Variants in CTSH observed in about 807,000 individuals in gnomAD.
CTSH encodes pro-cathepsin H.
CTSH carries 52 observed loss-of-function variants against 56.3 expected under a neutral mutation model. The observed-to-expected ratio is 0.92, with a 90% CI of 0.74 to 1.16. The LOEUF (loss-of-function observed/expected upper bound fraction) is 1.16. CTSH is among the 50% of genes most tolerant of loss of function. The pLI is 0.00. For missense variants in CTSH, 406 were observed against 424.5 expected (o/e 0.96, Z 0.38); for synonymous variants, 174 against 155.7 (o/e 1.12, Z -0.88).
chr15:78,940,630 C>T (rs1174433585), intron 1 of CTSH, among the ~76,000 whole-genome samples: 1 of 152,040 alleles, frequency 6.6e-6, no homozygotes, highest in African/African-American at 2.4e-5. Flanking sequence ...ATTTGATATC[C>T]ACCATCAGTA....
At chr15:78,923,280 G>T (rs1011644769) in intron 10 of CTSH, among the ~76,000 whole-genome samples, 162 bp from the exon 11 acceptor site, 1 of 152,202 alleles carries the variant, frequency 6.6e-6, no homozygotes, top group African/African-American at 2.4e-5. Context: ...CTCCGTGAGA[G>T]AACTCCTTTC....
In CTSH at chr15:78,943,722, T is replaced by G. The variant is rs542842605; in HGVS notation, c.91+1169A>C. Among the ~76,000 whole-genome samples the G allele has an allele frequency of 2.6e-5, 4 of 152,364 alleles. No homozygotes were observed. The East Asian group carries it at 7.7e-4, about 29-fold the overall frequency. ...ATCTATGGTTGCTATCACACTACCA[T>G]GGCAGAGTTAGTAGTTGCTACAGAG... On this transcript the variant is annotated intron_variant, in intron 1 of 11. Transcript: ENST00000220166.
chr15:78,922,567 C>T (rs191110644), intron 11 of CTSH, among the ~76,000 whole-genome samples: 1 of 152,286 alleles, frequency 6.6e-6, no homozygotes, highest in East Asian at 1.9e-4. Flanking sequence ...GAGGACAGGA[C>T]AAAGGCACAG....
At chr15:78,928,787 A>C (rs76893014) in intron 8 of CTSH, among the ~76,000 whole-genome samples, 2,048 of 151,606 alleles carry the variant, frequency 0.014, 52 homozygotes, top group African/African-American at 0.047. Context: ...GGGCCAAGGG[A>C]GTCATGTGAG....
At chr15:78,925,630 C>G in intron 9 of CTSH, 190 bp from the exon 10 acceptor site, 2 of 533,812 alleles carry the variant, frequency 3.7e-6, no homozygotes, top group Admixed American at 5.9e-5. Flanking sequence ...GTTCCTCTCC[C>G]CAACTCTGCT....
chr15:78,935,356 T>C (rs575645574), intron 4 of CTSH, among the ~76,000 whole-genome samples: 1 of 152,354 alleles, frequency 6.6e-6, no homozygotes, highest in East Asian at 1.9e-4. Flanking sequence ...ACAAATAACT[T>C]TGTAGTGTAA....
Position 78,929,448 on chromosome 15 carries a change from C to G in CTSH, c.594G>C (p.Gly198=). 3.1e-6 allele frequency: 5 copies of G among 1,612,446 alleles called. No homozygotes were observed. The highest frequency in any genetic ancestry group is 4.2e-6 in the Non-Finnish European group (5 of 1,179,134). ...AGGGGTAGGTGTCTTCACCCATGATCCCCTTGTTGTACAGGATATACTCGA... is the reference window on the plus strand; with the variant it reads ...AGGGGTAGGTGTCTTCACCCATGATGCCCTTGTTGTACAGGATATACTCGA... The part of the protein sequence containing the change: ...QAFEYILYNK[G]IMGEDTYPYQ... Residue 198 remains glycine (G), a synonymous_variant, in exon 8 of 12, where the codon GGG becomes GGC. Transcript: ENST00000220166.
intron 1 of CTSH, among the ~76,000 whole-genome samples, chr15:78,940,742 T>C (rs1183388308): frequency 6.6e-6 from 1 of 151,802 alleles, no homozygotes; most frequent in Non-Finnish European, 1.5e-5. Context: ...GCAGATCACC[T>C]GAGGTCAGGA....
intron 1 of CTSH, among the ~76,000 whole-genome samples, chr15:78,942,894 C>T (rs542959240): frequency 9.9e-5 from 15 of 152,262 alleles, no homozygotes; most frequent in Admixed American, 3.3e-4. Flanking sequence ...TTTTGGGTCT[C>T]GAACCTGTTC....
chr15:78,944,121 T>C (rs1359867428), intron 1 of CTSH, among the ~76,000 whole-genome samples: 1 of 152,154 alleles, frequency 6.6e-6, no homozygotes, highest in Non-Finnish European at 1.5e-5. Flanking sequence ...GCTACTTTTC[T>C]CGGTGAAGGG....
At position 78,927,286 on chromosome 15, in the gene CTSH, C is replaced by G. The variant is rs149825855; in HGVS notation, c.699+427G>C. The stretch of plus-strand genomic sequence containing the variant: ...CATGGGCGCAGGAGTGCCACACACC[C>G]TTTGACTGTTGTCAGCCATGCAGAT... On this transcript the variant is annotated intron_variant, in intron 9 of 11. Transcript: ENST00000220166. 4.1e-3 allele frequency: 917 copies of G among 223,468 alleles called. 4 individuals carry two copies. The highest frequency in any genetic ancestry group is 8.9e-3 in the South Asian group (132 of 14,898). 13.8% of individuals were successfully genotyped at this position (223,468 alleles called of 1,614,324 possible).
intron 7 of CTSH, 25 bp downstream of exon 7, chr15:78,931,426 G>A: frequency 6.2e-7 from 1 of 1,614,054 alleles, no homozygotes; most frequent in East Asian, 2.2e-5. Flanking sequence ...AGGAAGTTTT[G>A]GGCCCCTTCT....
chr15:78,937,256 C>A lies in CTSH; in HGVS notation c.229+62G>T, dbSNP rs1169311511. 6 of 1,449,954 alleles carry A rather than the reference C, an allele frequency of 4.1e-6. No individual in the cohort carries two copies. In the South Asian group the frequency reaches 5.7e-5, roughly 14 times the overall value. The allele number at this position is 1,449,954 out of a possible 1,614,324, so 89.8% of individuals were successfully genotyped here. On this transcript the variant is annotated intron_variant, in intron 3 of 11. Transcript: ENST00000220166. ...TCCACCCACCAGCCCCCAGCGGGCC[C>A]TTTCATGGGCTGGGTCACTAACTGA...
intron 1 of CTSH, among the ~76,000 whole-genome samples, chr15:78,940,993 A>G (rs1276353575): frequency 6.6e-6 from 1 of 152,106 alleles, no homozygotes; most frequent in African/African-American, 2.4e-5. Context: ...AGAGTCAGAT[A>G]TTATACAGAG....
chr15:78,929,283 G>T (rs2054992360), intron 8 of CTSH, 129 bp downstream of exon 8: 1 of 757,260 alleles, frequency 1.3e-6, no homozygotes. Context: ...AATTTGGAGA[G>T]AACAGACAAT....
intron 6 of CTSH, chr15:78,932,148 C>G: frequency 9.4e-7 from 1 of 1,060,478 alleles, no homozygotes; most frequent in Non-Finnish European, 1.3e-6. Flanking sequence ...CCACCCAGAT[C>G]CATCTAGGAA....
intron 6 of CTSH, chr15:78,931,840 A>G: frequency 7.8e-7 from 1 of 1,279,574 alleles, no homozygotes; most frequent in South Asian, 1.6e-5. Context: ...GATGGGGGAA[A>G]CAGGCCCAGC....
chr15:78,930,452 G>A (rs1465964315), intron 7 of CTSH, among the ~76,000 whole-genome samples: 26 of 152,192 alleles, frequency 1.7e-4, no homozygotes, highest in South Asian at 2.1e-4. Context: ...GGGTGAACCC[G>A]GGAGGCGGAG....
Position 78,923,102 on chromosome 15 carries a change from T to A in CTSH, c.823A>T (p.Thr275Ser). Residue 275 changes from threonine (T) to serine (S), a missense_variant, in exon 11 of 12, where the codon ACT becomes TCT. By Grantham distance (58) the Thr-to-Ser change is moderately conservative (BLOSUM62 1). Transcript: ENST00000220166. ...ACTGCATGGTTTACTTTATCTGGAG[T>A]TTTATGGCAGGAAGTACTGGAAAAC... ...GIYSSTSCHK[T>S]PDKVNHAVLA... is the part of the protein sequence containing the mutation. 1 of 1,611,958 alleles carries A rather than the reference T, an allele frequency of 6.2e-7. No homozygotes were observed. Among genetic ancestry groups the A allele is most frequent in the Non-Finnish European group, 8.5e-7 (1 of 1,179,452 alleles).
Sources: gnomAD v4.1 joint callset for allele counts (sites outside exome capture counted in the v4.1 genomes callset) on GRCh38, gnomAD v4.1.1 for gene constraint, MANE v1.5 for transcripts, NCBI Gene and HGNC (gene_info 2026-07-23, HGNC 2026-07-21) for gene names.